The following C1QTNF3 variants were observed in gnomAD, a reference collection of about 807,000 sequenced individuals.
C1QTNF3 encodes the protein C1q and TNF related 3, also known as complement C1q tumor necrosis factor-related protein 3.
Under a neutral mutation model 32.6 loss-of-function variants are expected in C1QTNF3, and 26 were observed. That is an observed-to-expected ratio of 0.80 (90% confidence interval 0.58 to 1.11). The LOEUF is 1.11. Among genes scored for constraint, C1QTNF3 ranks in the 50% least tolerant of loss-of-function variants. The pLI, the probability that C1QTNF3 is intolerant of heterozygous loss-of-function variation, is 0.00. For synonymous variants in C1QTNF3, 155 were observed against 146.0 expected, an observed-to-expected ratio of 1.06 and a Z score of -0.44; for missense variants, 362 against 398.2, an observed-to-expected ratio of 0.91 and a Z score of 0.77.
the C1QTNF3 span, among the ~76,000 whole-genome samples, chr5:34,122,335 C>A: frequency 1.5e-4 from 23 of 152,042 alleles, no homozygotes; most frequent in African/African-American, 5.1e-4. Flanking sequence ...ATAATGCTGG[C>A]AGAAATAAGC....
At chr5:34,103,256 T>A in the C1QTNF3 span, among the ~76,000 whole-genome samples, 1 of 152,158 alleles carries the variant, frequency 6.6e-6, no homozygotes, top group Non-Finnish European at 1.5e-5. Flanking sequence ...AATAATGAAC[T>A]TTTAATTTTT....
chr5:34,142,230 G>A, the C1QTNF3 span, among the ~76,000 whole-genome samples: 5 of 152,242 alleles, frequency 3.3e-5, no homozygotes, highest in African/African-American at 7.2e-5. Context: ...TCAGGAGTTC[G>A]ATACCAGTCT....
At chr5:34,053,294 C>A in the C1QTNF3 span, among the ~76,000 whole-genome samples, 1 of 152,208 alleles carries the variant, frequency 6.6e-6, no homozygotes, top group African/African-American at 2.4e-5. Context: ...ACACTCCACC[C>A]GAACCACAAA....
the C1QTNF3 span, among the ~76,000 whole-genome samples, chr5:34,129,723 T>C: frequency 6.6e-6 from 1 of 151,888 alleles, no homozygotes; most frequent in Non-Finnish European, 1.5e-5. Flanking sequence ...TTGATCAATA[T>C]AAATATATAT....
chr5:34,201,772 C>A, the C1QTNF3 span, among the ~76,000 whole-genome samples: 1 of 152,044 alleles, frequency 6.6e-6, no homozygotes, highest in Non-Finnish European at 1.5e-5. Context: ...AAATAAAAAC[C>A]GCAATAGGTA....
chr5:34,058,089 C>T, the C1QTNF3 span, among the ~76,000 whole-genome samples: 1 of 152,172 alleles, frequency 6.6e-6, no homozygotes, highest in South Asian at 2.1e-4. Context: ...ACCACACTTG[C>T]AGACACTCTG....
the C1QTNF3 span, among the ~76,000 whole-genome samples, chr5:34,170,579 T>C: frequency 2.6e-5 from 4 of 152,260 alleles, no homozygotes; most frequent in South Asian, 2.1e-4. Flanking sequence ...AAGTTAAATA[T>C]GTGCAGTTCT....
intron 4 of C1QTNF3, among the ~76,000 whole-genome samples, chr5:34,027,735 CAAAAAA>C (rs34375086): frequency 1.2e-5 from 1 of 81,094 alleles, no homozygotes; most frequent in Non-Finnish European, 2.3e-5. Flanking sequence ...CCACCACCAC[CAAAAAA>C]AAAAAAAAAA....
the C1QTNF3 span, among the ~76,000 whole-genome samples, chr5:34,203,182 C>T: frequency 2.0e-4 from 30 of 152,056 alleles, no homozygotes; most frequent in Admixed American, 5.9e-4. Flanking sequence ...CAAAGTAGGA[C>T]GAGAAATCAA....
chr5:34,040,964 T>C (rs919310), intron 1 of C1QTNF3, among the ~76,000 whole-genome samples: 80,958 of 152,068 alleles, frequency 0.53, 21,867 homozygotes, highest in African/African-American at 0.55. Flanking sequence ...TTAAACTTAA[T>C]TTAATTAACA....
At chr5:34,061,258 G>C in the C1QTNF3 span, among the ~76,000 whole-genome samples, 2 of 152,194 alleles carry the variant, frequency 1.3e-5, no homozygotes, top group African/African-American at 2.4e-5. Flanking sequence ...GGCCCCTGTG[G>C]CTTTGCAGGG....
chr5:34,230,190 A>G, the C1QTNF3 span, among the ~76,000 whole-genome samples: 1 of 152,212 alleles, frequency 6.6e-6, no homozygotes, highest in Non-Finnish European at 1.5e-5. Flanking sequence ...CATGCATCAA[A>G]GAATGCAGCT....
the C1QTNF3 span, among the ~76,000 whole-genome samples, chr5:34,072,376 A>AGAAG: frequency 1.7e-5 from 2 of 114,820 alleles, no homozygotes; most frequent in African/African-American, 3.4e-5. Context: ...AGAAAGAGAA[A>AGAAG]GAAAGAAAGA....
chr5:34,028,969 A>G (rs1448408803), intron 3 of C1QTNF3, 86 bp from the exon 4 acceptor site: 8 of 1,123,300 alleles, frequency 7.1e-6, no homozygotes, highest in Non-Finnish European at 7.7e-6. Context: ...TAAACATTAT[A>G]CATAACAGCA....
chr5:34,039,028 A>C (rs889434364), intron 1 of C1QTNF3, among the ~76,000 whole-genome samples: 2 of 152,216 alleles, frequency 1.3e-5, no homozygotes, highest in African/African-American at 4.8e-5. Context: ...GAGTTGCGCA[A>C]GTGGGCTCAA....
intron 3 of C1QTNF3, among the ~76,000 whole-genome samples, chr5:34,030,724 C>T (rs1443419577): frequency 6.6e-6 from 1 of 152,144 alleles, no homozygotes; most frequent in Non-Finnish European, 1.5e-5. Context: ...AAGTGTGCTA[C>T]ATATACACCA....
chr5:34,177,615 T>A, the C1QTNF3 span, among the ~76,000 whole-genome samples: 3 of 151,076 alleles, frequency 2.0e-5, no homozygotes, highest in Admixed American at 2.0e-4. Flanking sequence ...GCCTCCTGAG[T>A]AGCTGGGATT....
chr5:34,146,979 A>C, the C1QTNF3 span, among the ~76,000 whole-genome samples: 1 of 152,214 alleles, frequency 6.6e-6, no homozygotes, highest in African/African-American at 2.4e-5. Context: ...GAAACAAAAA[A>C]GAATCTCAAT....
At chr5:34,071,813 A>G in the C1QTNF3 span, among the ~76,000 whole-genome samples, 2 of 152,166 alleles carry the variant, frequency 1.3e-5, no homozygotes, top group Non-Finnish European at 2.9e-5. Flanking sequence ...AGATGTGGGA[A>G]TGCTGAAGTT....
Sources: gnomAD v4.1 joint callset for allele counts (sites outside exome capture counted in the v4.1 genomes callset) on GRCh38, gnomAD v4.1.1 for gene constraint, MANE v1.5 for transcripts, NCBI Gene and HGNC (gene_info 2026-07-23, HGNC 2026-07-21) for gene names.